The following TCF4 variants were observed in gnomAD, a reference collection of about 807,000 sequenced individuals.
The protein encoded by TCF4 is SL3-3 enhancer factor 2.
In TCF4, 3 loss-of-function variants were observed where a neutral mutation model predicts 82.1. The ratio of observed to expected loss-of-function variants is 0.04; its 90% confidence interval spans 0.02 to 0.09. The LOEUF is 0.09. TCF4 is among the 10% of genes least tolerant of loss of function. The pLI, the probability that TCF4 is intolerant of heterozygous loss-of-function variation, is 1.00. For missense variants in TCF4, 518 were observed against 852.7 expected (o/e 0.61, Z 4.89); for synonymous variants, 276 against 309.6 (o/e 0.89, Z 1.14).
intron 17 of TCF4, chr18:55,229,856 A>G (rs1385057079): frequency 3.9e-5 from 6 of 152,344 alleles, no homozygotes; most frequent in African/African-American, 1.4e-4. Flanking sequence ...TCAACAAACC[A>G]AACACCTGCA....
intron 13 of TCF4, among the ~76,000 whole-genome samples, chr18:55,258,258 C>T (rs960951405): frequency 3.9e-5 from 6 of 151,984 alleles, no homozygotes; most frequent in African/African-American, 2.4e-5. Flanking sequence ...TGGACAGAGC[C>T]GTCGGTGTGA....
chr18:55,588,155 C>A lies in TCF4; in HGVS notation c.-138G>T, dbSNP rs2097671185. 2 of 1,095,220 alleles carry A rather than the reference C, an allele frequency of 1.8e-6. No homozygotes were observed. The allele number at this position is 1,095,220 out of a possible 1,614,324, so 67.8% of individuals were successfully genotyped here. The stretch of plus-strand genomic sequence containing the variant: ...GCGCCCGCTCCCGCGCCTGCTGCCT[C>A]CCCGCCGCCGCCGCCGCCGCCGCCA... On this transcript the variant is annotated 5_prime_UTR_variant, in exon 1 of 20. Transcript: ENST00000354452.
chr18:55,561,030 C>T (rs943329837), intron 3 of TCF4, among the ~76,000 whole-genome samples: 18 of 152,242 alleles, frequency 1.2e-4, no homozygotes, highest in African/African-American at 4.1e-4. Context: ...GTATCCCATC[C>T]TTCACCTGTC....
intron 15 of TCF4, among the ~76,000 whole-genome samples, chr18:55,242,051 A>G (rs1194139969): frequency 6.6e-6 from 1 of 152,172 alleles, no homozygotes; most frequent in Non-Finnish European, 1.5e-5. Context: ...GCTTGAGCAA[A>G]GCCCTCCCTG....
chr18:55,250,053 G>T (rs755079726), intron 15 of TCF4, among the ~76,000 whole-genome samples: 7 of 152,164 alleles, frequency 4.6e-5, no homozygotes, highest in Non-Finnish European at 1.0e-4. Context: ...ATCATACTTG[G>T]TAAGAGTTTC....
At chr18:55,364,428 C>A (rs2086291125) in intron 6 of TCF4, among the ~76,000 whole-genome samples, 1 of 152,148 alleles carries the variant, frequency 6.6e-6, no homozygotes, top group African/African-American at 2.4e-5. Context: ...CAAGTTTAAC[C>A]ATTCCCTACA....
intron 3 of TCF4, among the ~76,000 whole-genome samples, chr18:55,533,110 GACT>G (rs768818312): frequency 6.6e-6 from 1 of 152,074 alleles, no homozygotes; most frequent in Non-Finnish European, 1.5e-5. Flanking sequence ...ACACCAGCAG[GACT>G]ACATGTTTAA....
At chr18:55,429,725 C>T (rs1603461102) in intron 5 of TCF4, among the ~76,000 whole-genome samples, 1 of 135,924 alleles carries the variant, frequency 7.4e-6, no homozygotes, top group East Asian at 2.2e-4. Context: ...GGCACCACTG[C>T]ACTCACTCCA....
intron 11 of TCF4, chr18:55,264,710 T>G (rs768085034): frequency 2.0e-5 from 3 of 152,110 alleles, no homozygotes; most frequent in Non-Finnish European, 2.9e-5. Flanking sequence ...TTTTGTCAAT[T>G]CATATTAGAG....
At chr18:55,419,741 C>G (rs1438819323) in intron 5 of TCF4, among the ~76,000 whole-genome samples, 1 of 152,092 alleles carries the variant, frequency 6.6e-6, no homozygotes, top group Non-Finnish European at 1.5e-5. Flanking sequence ...AAATGTTCTC[C>G]CAAACATTTC....
At chr18:55,372,771 A>G (rs2089657130) in intron 6 of TCF4, among the ~76,000 whole-genome samples, 1 of 152,182 alleles carries the variant, frequency 6.6e-6, no homozygotes. Context: ...AAACATATCA[A>G]CCTCAACATG....
chr18:55,411,076 CAG>C (rs1001867567), intron 5 of TCF4, among the ~76,000 whole-genome samples: 36 of 152,280 alleles, frequency 2.4e-4, no homozygotes, highest in African/African-American at 7.0e-4. Flanking sequence ...ACTAATTCCA[CAG>C]AGTGTGCAAT....
intron 5 of TCF4, among the ~76,000 whole-genome samples, chr18:55,445,545 A>G (rs1167283911): frequency 3.3e-5 from 5 of 152,148 alleles, no homozygotes; most frequent in Non-Finnish European, 7.4e-5. Context: ...TCACAAGAAC[A>G]GCATGGGAAA....
chr18:55,298,298 T>G (rs1392532869), intron 8 of TCF4, among the ~76,000 whole-genome samples: 1 of 152,214 alleles, frequency 6.6e-6, no homozygotes, highest in Non-Finnish European at 1.5e-5. Context: ...CTGAGATATC[T>G]CTATTCCCTA....
chr18:55,347,650 ACCCAGCCTAATGG>A (rs1204422799), intron 8 of TCF4, among the ~76,000 whole-genome samples: 1 of 152,142 alleles, frequency 6.6e-6, no homozygotes, highest in African/African-American at 2.4e-5. Flanking sequence ...TGGGAGGAAG[ACCCAGCCTAATGG>A]CGGCAGAAGT....
chr18:55,409,723 G>T (rs543735603), intron 5 of TCF4, among the ~76,000 whole-genome samples: 1 of 152,058 alleles, frequency 6.6e-6, no homozygotes, highest in Non-Finnish European at 1.5e-5. Flanking sequence ...TATTTAAATT[G>T]ATATGAAAAC....
chr18:55,537,606 A>G (rs2146875957), intron 3 of TCF4, among the ~76,000 whole-genome samples: 1 of 152,244 alleles, frequency 6.6e-6, no homozygotes, highest in African/African-American at 2.4e-5. Context: ...AAATAATAAT[A>G]AAAAAATTAT....
At chr18:55,589,930 G>T, upstream of TCF4, 1 of 699,636 alleles carries the variant, frequency 1.4e-6, no homozygotes, top group Non-Finnish European at 1.8e-6. Flanking sequence ...GGCGGTGCTG[G>T]TCGACCACGC....
intron 3 of TCF4, among the ~76,000 whole-genome samples, chr18:55,575,910 G>T (rs759976983): frequency 6.6e-6 from 1 of 152,080 alleles, no homozygotes; most frequent in Non-Finnish European, 1.5e-5. Context: ...AGTTTTAAAC[G>T]CATTTCTCAA....
Sources: gnomAD v4.1 joint callset for allele counts (sites outside exome capture counted in the v4.1 genomes callset) on GRCh38, gnomAD v4.1.1 for gene constraint, MANE v1.5 for transcripts, NCBI Gene and HGNC (gene_info 2026-07-23, HGNC 2026-07-21) for gene names.